Variants in ACADVL observed in about 807,000 individuals in gnomAD.
ACADVL encodes very long-chain acyl-CoA dehydrogenase, mitochondrial.
ACADVL carries 73 observed loss-of-function variants against 80.4 expected under a neutral mutation model. That is an observed-to-expected ratio of 0.91 (90% CI 0.75 to 1.10). The LOEUF (loss-of-function observed/expected upper bound fraction) is 1.10. ACADVL is among the 50% of genes least tolerant of loss of function. The pLI is 0.00. For missense variants in ACADVL, 878 were observed against 858.9 expected, an observed-to-expected ratio of 1.02 and a Z score of -0.28; for synonymous variants, 392 against 326.5, an observed-to-expected ratio of 1.20 and a Z score of -2.16.
Position 7,224,332 on chromosome 17 carries a change from T to C in ACADVL, c.1544T>C (p.Leu515Pro). ...AGKQLRRRAG[L>P]GSGLSLSGLV... ...CCTCTTCCTCTCAGGCGGGCAGGGCTGGGCAGCGGCCTGAGTCTCAGCGGA... is the reference window on the plus strand; with the variant it reads ...CCTCTTCCTCTCAGGCGGGCAGGGCCGGGCAGCGGCCTGAGTCTCAGCGGA... Residue 515 changes from leucine (L) to proline (P), a missense_variant, in exon 16 of 20, where the codon CTG becomes CCG. Coordinates refer to ENST00000356839, the MANE Select transcript of ACADVL (RefSeq NM_000018.4). The C allele has an allele frequency of 3.1e-6, 5 of 1,613,842 alleles. No individual in the cohort carries two copies. The highest frequency in any genetic ancestry group is 4.2e-6 in the Non-Finnish European group (5 of 1,179,992).
In ACADVL at chr17:7,221,540, C is replaced by T. The variant is rs371910495; in HGVS notation, c.480C>T (p.Tyr160=). The T allele has an allele frequency of 3.3e-5, 53 of 1,614,146 alleles. No individual in the cohort carries two copies. Among genetic ancestry groups the T allele is most frequent in the Middle Eastern group, 3.3e-4 (2 of 6,062 alleles). ...CCAGATTCCTGCTTCCCCTCCAGTA[C>T]GCCCGTTTGGTGGAGATCGTGGGCA... ...LGGVGLCNTQ[Y]ARLVEIVGMH... is the part of the protein sequence containing the mutation. Residue 160 remains tyrosine, a splice_region_variant and synonymous_variant, in exon 7 of 20, where the codon TAC becomes TAT. Coordinates refer to ENST00000356839, the MANE Select transcript of ACADVL (RefSeq NM_000018.4).
At chr17:7,217,659 C>T, upstream of ACADVL, 3 of 1,380,672 alleles carry the variant, frequency 2.2e-6, no homozygotes, top group Non-Finnish European at 2.9e-6. Context: ...AGGGAGGGAG[C>T]TAGGAGCCAG....
At chr17:7,217,324 G>A (rs2070966180), upstream of ACADVL, 3 of 893,454 alleles carry the variant, frequency 3.4e-6, no homozygotes, top group African/African-American at 1.8e-5. Context: ...GGGGAGGGGA[G>A]CGTGGGAGGG....
chr17:7,219,629 C>T (rs1217725941), upstream of ACADVL: 2 of 1,229,336 alleles, frequency 1.6e-6, no homozygotes, highest in African/African-American at 3.1e-5. Context: ...TCTAACCCCA[C>T]CGGAGAAGCC....
rs534337497 is a variant in ACADVL at position 7,223,046 on chromosome 17, C to T, written c.1078-87C>T. The T allele has an allele frequency of 2.1e-5, 31 of 1,488,722 alleles. No individual in the cohort carries two copies. The African/African-American group carries it at 3.6e-4, about 17-fold the overall frequency. The allele number at this position is 1,488,722 out of a possible 1,614,324, so 92.2% of individuals were successfully genotyped here. The stretch of plus-strand genomic sequence containing the variant: ...CTGAACTCTGGTTGTATGCAAAACC[C>T]ATCCCTCTGGCGCAAGCCCAGCCCC... On this transcript the variant is annotated intron_variant, in intron 10 of 19. Transcript: ENST00000356839.
chr17:7,223,136 G>A lies in ACADVL; in HGVS notation c.1081G>A (p.Asp361Asn), dbSNP rs1331739604. The change falls in exon 11 of 20, where the codon GAT becomes AAT. Residue 361 changes from aspartate to asparagine, a missense_variant. Asp to Asn is a conservative substitution (Grantham distance 23, BLOSUM62 1). Coordinates refer to ENST00000356839, the MANE Select transcript of ACADVL (RefSeq NM_000018.4). ...TMRGIIAKAV[D>N]HATNRTQFGE... ...GGATGTGTGGACCCTCTTCCAGGTA[G>A]ATCATGCCACTAATCGTACCCAGTT... 6 of 1,612,760 alleles carry A rather than the reference G, an allele frequency of 3.7e-6. No homozygotes were observed. The highest frequency in any genetic ancestry group is 5.1e-6 in the Non-Finnish European group (6 of 1,178,794).
rs1255390515 is a variant in ACADVL at position 7,223,842 on chromosome 17, C to T, written c.1299C>T (p.Cys433=). Residue 433 remains cysteine, a synonymous_variant, in exon 13 of 20, where the codon TGC becomes TGT. Transcript: ENST00000356839. ...CAGCCTGGAAGGTGACAGATGAATGCATCCAAATCATGGGGGGTATGGGCT... is the reference window on the plus strand; with the variant it reads ...CAGCCTGGAAGGTGACAGATGAATGTATCCAAATCATGGGGGGTATGGGCT... ...SEAAWKVTDE[C]IQIMGGMGFM... The T allele has an allele frequency of 5.6e-6, 9 of 1,614,108 alleles. No homozygotes were observed. Among genetic ancestry groups the T allele is most frequent in the South Asian group, 1.1e-5 (1 of 91,076 alleles).
upstream of ACADVL, chr17:7,219,705 C>A: frequency 7.1e-7 from 1 of 1,398,908 alleles, no homozygotes; most frequent in East Asian, 2.7e-5. Flanking sequence ...TCTGTCCCAT[C>A]CTATCCCATC....
chr17:7,218,174 T>A, upstream of ACADVL: 1 of 1,396,844 alleles, frequency 7.2e-7, no homozygotes, highest in Non-Finnish European at 9.9e-7. Flanking sequence ...ATATTAGTGA[T>A]ATTTGGCTCA....
chr17:7,223,523 C>A, intron 11 of ACADVL, 121 bp from the exon 12 acceptor site: 1 of 1,096,238 alleles, frequency 9.1e-7, no homozygotes, highest in Non-Finnish European at 1.4e-6. Flanking sequence ...TGACCCAGAA[C>A]AAGTATCTGC....
At chr17:7,217,641 G>GGGGA, upstream of ACADVL, 5 of 1,348,920 alleles carry the variant, frequency 3.7e-6, no homozygotes, top group Admixed American at 6.2e-5. Context: ...GAGGAAGCAG[G>GGGGA]GGGAGGGAGG....
Position 7,222,692 on chromosome 17 carries a change from A to ATC in ACADVL, c.905_906dup (p.Lys303SerfsTer51). On this transcript the variant is annotated frameshift_variant, in exon 10 of 20. Coordinates refer to ENST00000356839, the MANE Select transcript of ACADVL (RefSeq NM_000018.4). LOFTEE classifies it high-confidence loss of function. ...TGGGCCCCCTGAGAAGAAGATGGGC[A>ATC]TCAAGGCTTCAAACACAGCAGAGGT... The ATC allele has an allele frequency of 6.2e-7, 1 of 1,614,076 alleles. No individual in the cohort carries two copies. Among genetic ancestry groups the ATC allele is most frequent in the South Asian group, 1.1e-5 (1 of 91,064 alleles).
In ACADVL at chr17:7,221,564, C is replaced by T; in HGVS notation, c.504C>T (p.Gly168=). The T allele has an allele frequency of 1.2e-6, 2 of 1,614,112 alleles. No individual in the cohort carries two copies. Among genetic ancestry groups the T allele is most frequent in the Non-Finnish European group, 1.7e-6 (2 of 1,180,032 alleles). Residue 168 remains glycine (G), a synonymous_variant, in exon 7 of 20, where the codon GGC becomes GGT. Coordinates refer to ENST00000356839, the MANE Select transcript of ACADVL (RefSeq NM_000018.4). ...ACGCCCGTTTGGTGGAGATCGTGGG[C>T]ATGCATGACCTTGGCGTGGGCATTA... ...TQYARLVEIV[G]MHDLGVGITL...
upstream of ACADVL, chr17:7,219,369 C>T (rs2142954974): frequency 5.0e-6 from 5 of 1,009,156 alleles, no homozygotes; most frequent in Non-Finnish European, 5.9e-6. Flanking sequence ...AGAGGCTTTA[C>T]TAAGGGAGGG....
Position 7,224,574 on chromosome 17 carries a change from C to T in ACADVL, c.1678+22C>T, listed in dbSNP as rs761650394. 25 of 1,608,620 alleles carry T rather than the reference C, an allele frequency of 1.6e-5. No individual in the cohort carries two copies. The East Asian group carries it at 5.1e-4, about 33-fold the overall frequency. On this transcript the variant is annotated intron_variant, in intron 17 of 19. Coordinates refer to ENST00000356839, the MANE Select transcript of ACADVL (RefSeq NM_000018.4). ...GTCAGTAAGTGAGCTCTACACCATT[C>T]CGCCCCTCCCTTTCCTCTCCTTGAG...
Position 7,224,507 on chromosome 17 carries a change from AC to A in ACADVL, c.1634del (p.Thr545MetfsTer7). On this transcript the variant is annotated frameshift_variant, in exon 17 of 20. Transcript: ENST00000356839. LOFTEE classifies it high-confidence loss of function. ...LAVRALEQFA[T>X]VVEAKLIKHK... Reference sequence around the variant, plus strand: ...AGTACGGGCTCTGGAGCAGTTTGCCACTGTGGTGGAGGCCAAGCTGATAAAA... The same window carrying A: ...AGTACGGGCTCTGGAGCAGTTTGCCATGTGGTGGAGGCCAAGCTGATAAAA... The A allele has an allele frequency of 6.2e-7, 1 of 1,613,608 alleles. No homozygotes were observed.
chr17:7,224,838 C>G lies in ACADVL; in HGVS notation c.1781C>G (p.Pro594Arg). 2 of 1,614,038 alleles carry G rather than the reference C, an allele frequency of 1.2e-6. No individual in the cohort carries two copies. The highest frequency in any genetic ancestry group is 8.5e-7 in the Non-Finnish European group (1 of 1,180,020). The change falls in exon 19 of 20, where the codon CCC becomes CGC. Residue 594 changes from proline to arginine, a missense_variant. Physicochemically the swap from Pro to Arg is moderately radical, Grantham distance 103 (BLOSUM62 -2). Transcript: ENST00000356839. ...RASRSLSEGH[P>R]TAQHEKMLCD... Reference sequence around the variant, plus strand: ...TCAAGATCCCTGAGTGAGGGCCACCCCACGGCCCAGCATGAGAAAATGCTC... The same window carrying G: ...TCAAGATCCCTGAGTGAGGGCCACCGCACGGCCCAGCATGAGAAAATGCTC...
Position 7,222,253 on chromosome 17 carries a change from G to A in ACADVL, c.829G>A (p.Glu277Lys), listed in dbSNP as rs1208459885. 2.4e-5 allele frequency: 38 copies of A among 1,613,130 alleles called. No homozygotes were observed. Among genetic ancestry groups the A allele is most frequent in the Non-Finnish European group, 3.1e-5 (37 of 1,179,126 alleles). Residue 277 changes from glutamate (E) to lysine (K), a missense_variant, in exon 9 of 20, where the codon GAG (glutamate) becomes AAG (lysine). Transcript: ENST00000356839. Reference protein sequence around the residue: ...VTDPATGAVKEKITAFVVERG... With the variant: ...VTDPATGAVKKKITAFVVERG... ...AGATCCAGCCACAGGAGCCGTGAAG[G>A]AGAAGATCACAGCTTTTGTGGTGGA... is the stretch of plus-strand genomic sequence containing the variant.
rs773401248 is a variant in ACADVL, at chr17:7,223,731, G to C, written c.1269+1G>C. On this transcript the variant is annotated splice_donor_variant, in intron 12 of 19. Transcript: ENST00000356839. LOFTEE classifies it high-confidence loss of function. Reference sequence around the variant, plus strand: ...CGCCATCAGCAAAATCTTTGGCTCGGTGAGGTCCCAGGCATGCTGGGAGGG... The same window carrying C: ...CGCCATCAGCAAAATCTTTGGCTCGCTGAGGTCCCAGGCATGCTGGGAGGG... 1.2e-6 allele frequency: 2 copies of C among 1,614,156 alleles called. No homozygotes were observed. Among genetic ancestry groups the C allele is most frequent in the South Asian group, 1.1e-5 (1 of 91,078 alleles).
Sources: gnomAD v4.1 joint callset for allele counts on GRCh38, gnomAD v4.1.1 for gene constraint, MANE v1.5 for transcripts, NCBI Gene and HGNC (gene_info 2026-07-23, HGNC 2026-07-21) for gene names.